The following ZFHX3 variants were observed in gnomAD, a reference collection of about 807,000 sequenced individuals.
ZFHX3 encodes zinc finger homeobox protein 3.
A neutral mutation model predicts 279.1 loss-of-function variants in ZFHX3; 42 were observed. The ratio of observed to expected loss-of-function variants is 0.15; its 90% confidence interval spans 0.12 to 0.19. The LOEUF is 0.19. ZFHX3 is among the 10% of genes least tolerant of loss of function. The probability of loss-of-function intolerance (pLI) is 1.00; values close to 1 mark genes in which losing one functional copy is unlikely to be tolerated. For missense variants in ZFHX3, 4,981 were observed against 4,754.0 expected (o/e 1.05, Z -1.40); for synonymous variants, 2,293 against 1,957.8 (o/e 1.17, Z -4.52).
chr16:73,690,842 C>A (rs1195814115), intron 1 of ZFHX3, among the ~76,000 whole-genome samples: 4 of 152,202 alleles, frequency 2.6e-5, no homozygotes, highest in Non-Finnish European at 4.4e-5. Flanking sequence ...TGCTCGCACT[C>A]CACCCATCCA....
chr16:73,576,416 A>C (rs2051799742), intron 2 of ZFHX3, among the ~76,000 whole-genome samples: 1 of 152,236 alleles, frequency 6.6e-6, no homozygotes, highest in Non-Finnish European at 1.5e-5. Flanking sequence ...CGTATGCATC[A>C]CCAAAGGATC....
chr16:73,550,696 G>A (rs980473002), intron 2 of ZFHX3, among the ~76,000 whole-genome samples: 1 of 152,168 alleles, frequency 6.6e-6, no homozygotes, highest in Non-Finnish European at 1.5e-5. Context: ...CTTATATAGT[G>A]CAGGTATTTT....
chr16:73,012,055 A>T (rs910915454), intron 1 of ZFHX3, among the ~76,000 whole-genome samples: 5 of 152,218 alleles, frequency 3.3e-5, no homozygotes, highest in African/African-American at 4.8e-5. Flanking sequence ...CGAGCTAAAC[A>T]TTACAGTCAA....
chr16:73,204,739 A>G (rs1389824790), intron 5 of ZFHX3, among the ~76,000 whole-genome samples: 1 of 152,222 alleles, frequency 6.6e-6, no homozygotes, highest in Non-Finnish European at 1.5e-5. Context: ...TAAACACAGC[A>G]AAGAGCATAA....
intron 1 of ZFHX3, among the ~76,000 whole-genome samples, chr16:73,843,575 T>C (rs564568339): frequency 1.3e-5 from 2 of 152,352 alleles, no homozygotes; most frequent in Non-Finnish European, 2.9e-5. Flanking sequence ...ATATGTTAAA[T>C]GCATCAGACA....
chr16:72,848,864 C>G (rs2037542244), intron 4 of ZFHX3, among the ~76,000 whole-genome samples: 1 of 152,124 alleles, frequency 6.6e-6, no homozygotes, highest in Admixed American at 6.5e-5. Context: ...CCTTGGCATG[C>G]TGCCACGGCT....
chr16:72,800,652 G>C (rs996433962), intron 7 of ZFHX3, among the ~76,000 whole-genome samples: 1 of 152,160 alleles, frequency 6.6e-6, no homozygotes, highest in Non-Finnish European at 1.5e-5. Context: ...CAAAGGGAAG[G>C]CTAGGGACAC....
At chr16:73,104,644 C>T (rs1339386412) in intron 7 of ZFHX3, among the ~76,000 whole-genome samples, 2 of 152,300 alleles carry the variant, frequency 1.3e-5, no homozygotes, top group Middle Eastern at 3.4e-3. Flanking sequence ...TCATAGTTCA[C>T]AGGCTTAGCT....
In ZFHX3 at chr16:73,664,853, C is replaced by T. The variant is rs552603817; in HGVS notation, c.-1547+15327G>A. Among the ~76,000 whole-genome samples the T allele has an allele frequency of 3.3e-5, 5 of 152,268 alleles. No individual in the cohort carries two copies. The East Asian group carries it at 7.7e-4, about 24-fold the overall frequency. On this transcript the variant is annotated intron_variant, in intron 2 of 17. Coordinates refer to the ZFHX3 transcript ENST00000641206. ...ATAAAGGACAATAACTTTTCCTTTC[C>T]GTATACCAATATTTTTTTGCACACA...
At chr16:73,352,266 G>T (rs919240129) in intron 3 of ZFHX3, among the ~76,000 whole-genome samples, 1 of 152,132 alleles carries the variant, frequency 6.6e-6, no homozygotes, top group Admixed American at 6.6e-5. Context: ...ACTCAGCAAC[G>T]CTGTGTGGAG....
chr16:73,228,940 C>T (rs1456578605), intron 5 of ZFHX3, among the ~76,000 whole-genome samples: 1 of 152,126 alleles, frequency 6.6e-6, no homozygotes. Context: ...TCCCTGCCTG[C>T]TATTTTAGGA....
intron 4 of ZFHX3, among the ~76,000 whole-genome samples, chr16:72,866,604 C>G (rs1207631430): frequency 6.6e-6 from 1 of 152,164 alleles, no homozygotes; most frequent in Non-Finnish European, 1.5e-5. Context: ...CTTCTGCAAC[C>G]AGATCTGATC....
intron 1 of ZFHX3, among the ~76,000 whole-genome samples, chr16:73,867,749 T>C (rs143153106): frequency 4.9e-4 from 75 of 152,320 alleles, no homozygotes; most frequent in African/African-American, 1.8e-3. Flanking sequence ...CTGTAGATAA[T>C]TGTATCCCCT....
At chr16:72,875,591 T>G (rs943496003) in intron 4 of ZFHX3, among the ~76,000 whole-genome samples, 3 of 152,242 alleles carry the variant, frequency 2.0e-5, no homozygotes, top group Non-Finnish European at 4.4e-5. Context: ...TTCTCCTTGA[T>G]GAACAAACCA....
At chr16:73,265,078 C>CGTGTGT (rs72075949) in intron 4 of ZFHX3, among the ~76,000 whole-genome samples, 10,154 of 145,880 alleles carry the variant, frequency 0.07, 381 homozygotes, top group African/African-American at 0.077. Flanking sequence ...CGCATATATG[C>CGTGTGT]GTGTGTGTGT....
chr16:73,602,419 G>A (rs938784323), intron 2 of ZFHX3, among the ~76,000 whole-genome samples: 2 of 152,052 alleles, frequency 1.3e-5, no homozygotes, highest in Non-Finnish European at 1.5e-5. Context: ...TTTCTATTAC[G>A]AGAACTTCTT....
chr16:73,021,024 G>GTA (rs1964280242), intron 1 of ZFHX3, among the ~76,000 whole-genome samples: 1 of 152,170 alleles, frequency 6.6e-6, no homozygotes, highest in South Asian at 2.1e-4. Context: ...AGTTGAAAGG[G>GTA]TATAGGCCCA....
intron 1 of ZFHX3, among the ~76,000 whole-genome samples, chr16:73,801,846 G>A (rs1960155230): frequency 6.6e-6 from 1 of 152,196 alleles, no homozygotes; most frequent in African/African-American, 2.4e-5. Flanking sequence ...TCTGCAACTT[G>A]GGCGTGTTCA....
At chr16:72,855,830 AGT>A (rs1169161328) in intron 4 of ZFHX3, among the ~76,000 whole-genome samples, 2 of 152,194 alleles carry the variant, frequency 1.3e-5, no homozygotes, top group African/African-American at 4.8e-5. Context: ...AGCCTAGATA[AGT>A]TGTTGACAAG....
Sources: gnomAD v4.1 joint callset for allele counts (sites outside exome capture counted in the v4.1 genomes callset) on GRCh38, gnomAD v4.1.1 for gene constraint, MANE v1.5 for transcripts, NCBI Gene and HGNC (gene_info 2026-07-23, HGNC 2026-07-21) for gene names.